Variants in TMEM132D observed in about 807,000 individuals in gnomAD.
TMEM132D encodes the protein transmembrane protein 132D.
A neutral mutation model predicts 62.3 loss-of-function variants in TMEM132D; 21 were observed. The ratio of observed to expected loss-of-function variants is 0.34; its 90% CI spans 0.24 to 0.49. TMEM132D has a LOEUF of 0.49. Ranked by LOEUF, TMEM132D falls within the 20% of genes least tolerant of loss-of-function variation. The pLI is 0.99. For missense variants in TMEM132D, 1,346 were observed against 1,402.8 expected (o/e 0.96, Z 0.65); for synonymous variants, 621 against 575.6 (o/e 1.08, Z -1.13).
At chr12:129,517,959 T>C (rs556804608) in intron 3 of TMEM132D, among the ~76,000 whole-genome samples, 4 of 152,330 alleles carry the variant, frequency 2.6e-5, no homozygotes, top group South Asian at 2.1e-4. Flanking sequence ...CCTAAGATTA[T>C]TGTACAATAG....
intron 4 of TMEM132D, among the ~76,000 whole-genome samples, chr12:129,321,759 C>G (rs896584589): frequency 1.3e-5 from 2 of 152,136 alleles, no homozygotes; most frequent in African/African-American, 4.8e-5. Flanking sequence ...CGGGGTTTCA[C>G]CGTGTTAGCC....
chr12:129,874,257 G>T (rs780944654), intron 1 of TMEM132D, among the ~76,000 whole-genome samples: 1 of 151,942 alleles, frequency 6.6e-6, no homozygotes, highest in African/African-American at 2.4e-5. Flanking sequence ...ACATGATGAC[G>T]TACACCATAA....
chr12:129,828,230 G>C (rs772863844), intron 1 of TMEM132D, among the ~76,000 whole-genome samples: 1 of 152,040 alleles, frequency 6.6e-6, no homozygotes, highest in Non-Finnish European at 1.5e-5. Flanking sequence ...TCATCTCACC[G>C]AGCCAGAGAA....
chr12:129,510,307 A>G (rs973620843), intron 3 of TMEM132D, among the ~76,000 whole-genome samples: 2 of 151,736 alleles, frequency 1.3e-5, no homozygotes, highest in Admixed American at 1.3e-4. Context: ...TTTTAATCAG[A>G]TTATTAGATT....
At chr12:129,356,401 C>T (rs1391437243) in intron 3 of TMEM132D, among the ~76,000 whole-genome samples, 1 of 140,116 alleles carries the variant, frequency 7.1e-6, no homozygotes, top group African/African-American at 2.7e-5. Flanking sequence ...TCGTGATCCG[C>T]CCGCCTCGGC....
chr12:129,297,756 C>A (rs369827248), intron 4 of TMEM132D, among the ~76,000 whole-genome samples: 1 of 152,154 alleles, frequency 6.6e-6, no homozygotes, highest in Non-Finnish European at 1.5e-5. Context: ...ACGACCTCAT[C>A]GCCCTGGTGC....
At position 129,449,771 on chromosome 12, in the gene TMEM132D, A is replaced by T. The variant is rs367871008; in HGVS notation, c.1115+81288T>A. On this transcript the variant is annotated intron_variant, in intron 3 of 8. Coordinates refer to ENST00000422113, the MANE Select transcript of TMEM132D (RefSeq NM_133448.3). Reference sequence around the variant, plus strand: ...GTGTGGTCCTCAGGGAAAGCCAACTACTTCCTCAGGTACACACACAAAACA... The same window carrying T: ...GTGTGGTCCTCAGGGAAAGCCAACTTCTTCCTCAGGTACACACACAAAACA... 2.6e-5 allele frequency among the ~76,000 whole-genome samples: 4 copies of T among 152,304 alleles called. No individual in the cohort carries two copies. The East Asian group carries it at 7.7e-4, about 29-fold the overall frequency.
At chr12:129,258,750 T>A (rs915186539) in intron 4 of TMEM132D, among the ~76,000 whole-genome samples, 4 of 152,322 alleles carry the variant, frequency 2.6e-5, no homozygotes, top group African/African-American at 9.6e-5. Context: ...GTACTGGACA[T>A]GGATCACCTA....
intron 2 of TMEM132D, among the ~76,000 whole-genome samples, chr12:129,578,265 G>A (rs567873322): frequency 3.6e-4 from 55 of 152,076 alleles, no homozygotes; most frequent in Middle Eastern, 3.4e-3. Context: ...AGGCTTCCCC[G>A]GGGCCCCAGC....
intron 5 of TMEM132D, among the ~76,000 whole-genome samples, chr12:129,195,075 A>C (rs1878510734): frequency 1.3e-5 from 2 of 152,228 alleles, no homozygotes; most frequent in South Asian, 4.1e-4. Flanking sequence ...AAATATAGGA[A>C]GGCTTTGGTG....
At chr12:129,161,079 C>T (rs1399154761) in intron 5 of TMEM132D, among the ~76,000 whole-genome samples, 1 of 152,152 alleles carries the variant, frequency 6.6e-6, no homozygotes, top group African/African-American at 2.4e-5. Flanking sequence ...ATAAAAAACT[C>T]ATAAAATAAT....
intron 3 of TMEM132D, among the ~76,000 whole-genome samples, chr12:129,490,529 C>G (rs373041181): frequency 6.8e-6 from 1 of 146,110 alleles, no homozygotes; most frequent in African/African-American, 2.6e-5. Context: ...CCCGGGTTCA[C>G]GCCATTCTCC....
In TMEM132D at chr12:129,903,699, C is replaced by A. The variant is rs1292875593; in HGVS notation, c.-360G>T. 1 of 165,758 alleles carries A rather than the reference C, an allele frequency of 6.0e-6. No homozygotes were observed. Among genetic ancestry groups the A allele is most frequent in the East Asian group, 1.6e-4 (1 of 6,176 alleles). The allele number at this position is 165,758 out of a possible 1,614,324, so 10.3% of individuals were successfully genotyped here. On this transcript the variant is annotated 5_prime_UTR_variant, in exon 1 of 9. Coordinates refer to ENST00000422113, the MANE Select transcript of TMEM132D (RefSeq NM_133448.3). The surrounding 1 kb of genome is among the most constrained non-coding windows in gnomAD (Gnocchi z 6.2). ...TGGCCCAAGGAGGGGCGCCTCCAGG[C>A]GCAGGGCTCCGGCGGCTCCAGCTGC...
intron 2 of TMEM132D, among the ~76,000 whole-genome samples, chr12:129,648,877 T>C (rs920777215): frequency 5.3e-5 from 8 of 152,144 alleles, no homozygotes; most frequent in Admixed American, 5.2e-4. Context: ...ATATATATAA[T>C]TGGTAAATTA....
At chr12:129,559,206 C>G (rs1251712067) in intron 2 of TMEM132D, among the ~76,000 whole-genome samples, 2 of 152,128 alleles carry the variant, frequency 1.3e-5, no homozygotes, top group Non-Finnish European at 2.9e-5. Context: ...AAAGTAGGTA[C>G]AAAGGCAAAT....
chr12:129,662,432 G>A (rs1469434481), intron 2 of TMEM132D, among the ~76,000 whole-genome samples: 3 of 152,272 alleles, frequency 2.0e-5, no homozygotes, highest in Admixed American at 6.5e-5. Context: ...GACCTATGTG[G>A]ATAAAATCCA....
In TMEM132D at chr12:129,320,979, TAC is replaced by T. The variant is rs1340691002; in HGVS notation, c.1299+16653_1299+16654del. Among the ~76,000 whole-genome samples, 112 of 152,298 alleles carry T rather than the reference TAC, an allele frequency of 7.4e-4. 3 individuals carry two copies. Among genetic ancestry groups the T allele is most frequent in the South Asian group, 1.7e-3 (8 of 4,826 alleles). On this transcript the variant is annotated intron_variant, in intron 4 of 8. Coordinates refer to ENST00000422113, the MANE Select transcript of TMEM132D (RefSeq NM_133448.3). ...ATTTATACAAATCTATCTATCTACC[TAC>T]CTACCTACCTACCTACCTGTCATCT...
chr12:129,581,163 T>C (rs1038303519), intron 2 of TMEM132D, among the ~76,000 whole-genome samples: 1 of 152,174 alleles, frequency 6.6e-6, no homozygotes, highest in Non-Finnish European at 1.5e-5. Flanking sequence ...CAACTTTTTC[T>C]CTTGCTTCCT....
chr12:129,709,112 G>C lies in TMEM132D; in HGVS notation c.80-8414C>G, dbSNP rs146467525. Among the ~76,000 whole-genome samples, 159 of 152,210 alleles carry C rather than the reference G, an allele frequency of 1.0e-3. 4 individuals carry two copies. The East Asian group carries it at 0.027, about 26-fold the overall frequency. ...AAAATTGACCAAGAGTTTTTTAATG[G>C]TAATGGACTGAGCTGCTGCAAGTTT... On this transcript the variant is annotated intron_variant, in intron 1 of 8. Transcript: ENST00000422113.
Sources: gnomAD v4.1 joint callset for allele counts (sites outside exome capture counted in the v4.1 genomes callset) on GRCh38, gnomAD v4.1.1 for gene constraint, Gnocchi (gnomAD v3.1) non-coding constraint, MANE v1.5 for transcripts, NCBI Gene and HGNC (gene_info 2026-07-23, HGNC 2026-07-21) for gene names.